The following DSE variants were observed in gnomAD, a reference collection of about 807,000 sequenced individuals.
The protein encoded by DSE is dermatan-sulfate epimerase.
A neutral mutation model predicts 84.4 loss-of-function variants in DSE; 36 were observed. The observed-to-expected ratio is 0.43, with a 90% CI of 0.33 to 0.56. DSE has a LOEUF of 0.56. Among genes scored for constraint, DSE ranks in the 20% least tolerant of loss-of-function variants. The pLI is 0.06. For missense variants in DSE, 862 were observed against 1,169.6 expected (o/e 0.74, Z 3.84); for synonymous variants, 410 against 430.1 (o/e 0.95, Z 0.58).
At chr6:116,273,618 TTTGC>T (rs1396754083) in intron 2 of DSE, among the ~76,000 whole-genome samples, 1 of 152,012 alleles carries the variant, frequency 6.6e-6, no homozygotes, top group Non-Finnish European at 1.5e-5. Flanking sequence ...CCTCTCTGAG[TTTGC>T]TTGTGTGCAG....
At chr6:116,254,298 A>C (rs1056955047) in intron 1 of DSE, 2 of 635,436 alleles carry the variant, frequency 3.1e-6, no homozygotes, top group African/African-American at 3.6e-5. Context: ...TCAAGCATGT[A>C]AGAACTGTGT....
At chr6:116,280,720 G>T (rs1773473737) in intron 2 of DSE, among the ~76,000 whole-genome samples, 1 of 152,180 alleles carries the variant, frequency 6.6e-6, no homozygotes, top group Non-Finnish European at 1.5e-5. Context: ...GTTCCAGTTT[G>T]TTGACTTGTG....
At chr6:116,299,549 T>C (rs900760718) in intron 2 of DSE, among the ~76,000 whole-genome samples, 26,055 of 50,304 alleles carry the variant, frequency 0.52, 5,319 homozygotes, top group Middle Eastern at 0.62. Flanking sequence ...TATATATATA[T>C]ATACACATAC....
chr6:116,315,097 G>C (rs1303595025), intron 2 of DSE, among the ~76,000 whole-genome samples: 1 of 152,134 alleles, frequency 6.6e-6, no homozygotes. Flanking sequence ...TAACTCTTAG[G>C]GTTGCTTGGG....
rs527582839 is a variant in DSE, at chr6:116,437,296, G to C, written c.2828G>C (p.Ser943Thr). 2 of 1,613,844 alleles carry C rather than the reference G, an allele frequency of 1.2e-6. No homozygotes were observed. The highest frequency in any genetic ancestry group is 2.2e-5 in the East Asian group (1 of 44,886). The change falls in exon 6 of 6, where the codon AGC (serine) becomes ACC (threonine). Residue 943 changes from serine to threonine, a missense_variant. By Grantham distance (58) the Ser-to-Thr change is moderately conservative. Transcript: ENST00000644252. ...CTTTATGCAGTTCTTCTCATAGATA[G>C]CTGTATTTTATTATGGTTGTACTCT... ...RCLYAVLLID[S>T]CILLWLYSSC...
At chr6:116,343,772 G>C (rs1005762351) in intron 2 of DSE, among the ~76,000 whole-genome samples, 1 of 152,210 alleles carries the variant, frequency 6.6e-6, no homozygotes, top group Non-Finnish European at 1.5e-5. Context: ...AACAAAGCTG[G>C]ATGGAGAATG....
intron 1 of DSE, among the ~76,000 whole-genome samples, chr6:116,387,262 CTG>C (rs916570075): frequency 1.3e-5 from 2 of 152,044 alleles, no homozygotes; most frequent in East Asian, 3.9e-4. Flanking sequence ...TCTCAGGAAT[CTG>C]TTGAAAAACT....
At chr6:116,413,403 A>G (rs1782508639) in intron 2 of DSE, among the ~76,000 whole-genome samples, 2 of 152,214 alleles carry the variant, frequency 1.3e-5, no homozygotes, top group African/African-American at 2.4e-5. Flanking sequence ...TTTCTTGGAC[A>G]TCTCCACTGT....
intron 2 of DSE, among the ~76,000 whole-genome samples, chr6:116,409,670 G>A (rs1244115147): frequency 6.6e-6 from 1 of 152,144 alleles, no homozygotes; most frequent in African/African-American, 2.4e-5. Context: ...TATCTCTTTT[G>A]CCTGGAGTTG....
chr6:116,410,733 CAAAAAAAAAAAAAAAAAAAAA>C (rs765969508), intron 2 of DSE, among the ~76,000 whole-genome samples: 4 of 79,616 alleles, frequency 5.0e-5, no homozygotes, highest in African/African-American at 5.9e-5. Flanking sequence ...GACTCTGTCT[CAAAAAAAAAAAAAAAAAAAAA>C]AAAAAAAAAA....
chr6:116,395,836 G>C (rs908009554), intron 1 of DSE, among the ~76,000 whole-genome samples: 3 of 152,212 alleles, frequency 2.0e-5, no homozygotes, highest in Non-Finnish European at 4.4e-5. Context: ...ACTGGAAATA[G>C]AGATTTTTCA....
At chr6:116,382,008 A>T (rs1266695341) in intron 1 of DSE, among the ~76,000 whole-genome samples, 2 of 147,344 alleles carry the variant, frequency 1.4e-5, no homozygotes, top group Non-Finnish European at 3.0e-5. Flanking sequence ...GCTTCACTCC[A>T]ATCTCTATTT....
chr6:116,325,117 T>C (rs9400902), intron 2 of DSE, among the ~76,000 whole-genome samples: 33,459 of 107,202 alleles, frequency 0.31, 5,100 homozygotes, highest in East Asian at 0.64. Flanking sequence ...CCCCGAATCA[T>C]GTCTGGTGGC....
rs569962806 is a variant in DSE, at chr6:116,274,478, G to A, written c.-54+15511G>A. Among the ~76,000 whole-genome samples, 17 of 151,998 alleles carry A rather than the reference G, an allele frequency of 1.1e-4. No individual in the cohort carries two copies. The East Asian group carries it at 2.7e-3, about 24-fold the overall frequency. Reference sequence around the variant, plus strand: ...CTGGGGAGGCTGAGGCAGGAGAATCGCTTGAACCCAGGAGGCAGAGGTTGC... The same window carrying A: ...CTGGGGAGGCTGAGGCAGGAGAATCACTTGAACCCAGGAGGCAGAGGTTGC... On this transcript the variant is annotated intron_variant, in intron 2 of 3. Transcript: ENST00000430252.
chr6:116,410,109 G>C (rs905122932), intron 2 of DSE, among the ~76,000 whole-genome samples: 1 of 152,174 alleles, frequency 6.6e-6, no homozygotes, highest in Non-Finnish European at 1.5e-5. Flanking sequence ...GCAGTGACAT[G>C]ATCAGATTTA....
intron 2 of DSE, among the ~76,000 whole-genome samples, chr6:116,272,021 A>G (rs1321138624): frequency 6.6e-6 from 1 of 152,196 alleles, no homozygotes; most frequent in Non-Finnish European, 1.5e-5. Flanking sequence ...TTCTATCACC[A>G]TAAAAAAGTT....
chr6:116,428,452 A>G lies in DSE; in HGVS notation c.670+1625A>G, dbSNP rs907037939. ...TATTTCTTCAGTCTTTGTAAATAAC[A>G]TTATTCCAAATAATAAGCAGTGACC... On this transcript the variant is annotated intron_variant, in intron 3 of 5. Coordinates refer to ENST00000644252, the MANE Select transcript of DSE (RefSeq NM_013352.4). 2.6e-5 allele frequency among the ~76,000 whole-genome samples: 4 copies of G among 152,210 alleles called. No homozygotes were observed. In the East Asian group the frequency reaches 7.7e-4, roughly 29 times the overall value.
intron 2 of DSE, among the ~76,000 whole-genome samples, chr6:116,290,275 A>C (rs970487368): frequency 6.6e-6 from 1 of 152,124 alleles, no homozygotes; most frequent in African/African-American, 2.4e-5. Context: ...GATCTGTATC[A>C]TTAGTGCCTA....
chr6:116,284,896 C>T (rs987086785), intron 2 of DSE, among the ~76,000 whole-genome samples: 63 of 152,028 alleles, frequency 4.1e-4, no homozygotes, highest in Non-Finnish European at 2.1e-4. Flanking sequence ...ATATGTGCCA[C>T]GTTTACTTAA....
Sources: allele counts gnomAD v4.1 joint callset (sites outside exome capture counted in the v4.1 genomes callset), GRCh38; gene constraint gnomAD v4.1.1; transcripts MANE v1.5; gene names NCBI Gene and HGNC (gene_info 2026-07-23, HGNC 2026-07-21).